RBFOX1: variants seen among roughly 807,000 people sequenced by gnomAD.
The protein encoded by RBFOX1 is RNA binding protein fox-1 homolog 1.
Under a neutral mutation model 57.7 loss-of-function variants are expected in RBFOX1, and 8 were observed. The observed-to-expected ratio is 0.14, with a 90% CI of 0.08 to 0.25. The LOEUF (loss-of-function observed/expected upper bound fraction) is 0.25. Among genes scored for constraint, RBFOX1 ranks in the 10% least tolerant of loss-of-function variants. The pLI is 1.00. For missense variants in RBFOX1, 611 were observed against 548.5 expected (o/e 1.11, Z -1.14); for synonymous variants, 326 against 222.4 (o/e 1.47, Z -4.15).
chr16:7,698,612 C>A (rs546633762), intron 14 of RBFOX1, among the ~76,000 whole-genome samples: 1 of 152,306 alleles, frequency 6.6e-6, no homozygotes, highest in African/African-American at 2.4e-5. Context: ...ATTCCTCTAA[C>A]TGATCCTTCA....
rs947967652 is a variant in RBFOX1, at chr16:5,308,407, G to C, written c.219+68302G>C. On this transcript the variant is annotated intron_variant, in intron 1 of 2. Transcript: ENST00000585867. Reference sequence around the variant, plus strand: ...GAGGCAACAACTTTGAATTCTCTTAGCTTCAACACCCCAGTGGTGGTGATC... The same window carrying C: ...GAGGCAACAACTTTGAATTCTCTTACCTTCAACACCCCAGTGGTGGTGATC... Among the ~76,000 whole-genome samples the C allele has an allele frequency of 1.8e-4, 27 of 151,868 alleles. 4 individuals are homozygous for C. The highest frequency in any genetic ancestry group is 1.7e-3 in the Admixed American group (26 of 15,254).
intron 3 of RBFOX1, among the ~76,000 whole-genome samples, chr16:6,894,830 G>A (rs191218184): frequency 6.6e-6 from 1 of 152,134 alleles, no homozygotes; most frequent in African/African-American, 2.4e-5. Context: ...TAGTAGTCCA[G>A]AATAAGACAT....
chr16:6,140,090 C>T (rs1464432473), intron 1 of RBFOX1, among the ~76,000 whole-genome samples: 1 of 152,112 alleles, frequency 6.6e-6, no homozygotes, highest in Non-Finnish European at 1.5e-5. Flanking sequence ...ATGCATTTTG[C>T]TGCAGAAGAG....
chr16:6,083,236 GA>G (rs2096034082), intron 1 of RBFOX1, among the ~76,000 whole-genome samples: 1 of 152,032 alleles, frequency 6.6e-6, no homozygotes, highest in Non-Finnish European at 1.5e-5. Context: ...CTCCTGACCT[GA>G]AGTGATCTGC....
At chr16:6,111,641 G>A (rs1597402383) in intron 1 of RBFOX1, among the ~76,000 whole-genome samples, 1 of 152,216 alleles carries the variant, frequency 6.6e-6, no homozygotes, top group Non-Finnish European at 1.5e-5. Context: ...GTCATTGGCG[G>A]TAACAGGATA....
chr16:6,068,940 G>A (rs531219136), intron 1 of RBFOX1, among the ~76,000 whole-genome samples: 50 of 152,208 alleles, frequency 3.3e-4, no homozygotes, highest in African/African-American at 1.1e-3. Flanking sequence ...GGGAACAGGA[G>A]GGCAAGACAG....
rs1197269576 is a variant in RBFOX1 at position 6,245,250 on chromosome 16, A to AT, written c.-126-71737dup. Reference sequence around the variant, plus strand: ...ATATAAGCAGAAATGATGGCTTTAAATTTTTTTTCTTATTTGCGCTTTCTT... The same window carrying AT: ...ATATAAGCAGAAATGATGGCTTTAAATTTTTTTTTCTTATTTGCGCTTTCTT... On this transcript the variant is annotated intron_variant, in intron 1 of 15. Coordinates refer to ENST00000550418, the MANE Select transcript of RBFOX1 (RefSeq NM_018723.4). Among the ~76,000 whole-genome samples, 140 of 152,026 alleles carry AT rather than the reference A, an allele frequency of 9.2e-4. 1 individual carries two copies. The highest frequency in any genetic ancestry group is 3.4e-3 in the Middle Eastern group (1 of 294).
chr16:7,295,618 G>C (rs1434581176), intron 4 of RBFOX1, among the ~76,000 whole-genome samples: 1 of 152,072 alleles, frequency 6.6e-6, no homozygotes, highest in Non-Finnish European at 1.5e-5. Context: ...TCCAGAGATA[G>C]ATCTTCAGAC....
intron 1 of RBFOX1, among the ~76,000 whole-genome samples, chr16:5,337,616 G>A (rs932219421): frequency 6.6e-6 from 1 of 152,154 alleles, no homozygotes; most frequent in Non-Finnish European, 1.5e-5. Context: ...TGAATGTTTG[G>A]TTTGGAAACT....
chr16:7,557,632 AAAAAAAAAAAG>A (rs2089030717), intron 5 of RBFOX1, among the ~76,000 whole-genome samples: 1 of 132,876 alleles, frequency 7.5e-6, no homozygotes, highest in Non-Finnish European at 1.7e-5. Context: ...AAAAAAAAAA[AAAAAAAAAAAG>A]AAAAAGAAAA....
chr16:6,159,773 C>T (rs1457930259), intron 1 of RBFOX1, among the ~76,000 whole-genome samples: 4 of 152,166 alleles, frequency 2.6e-5, no homozygotes, highest in Non-Finnish European at 4.4e-5. Flanking sequence ...TTGGTTCCAC[C>T]CATTGCCCAC....
chr16:5,340,532 T>A (rs915622093), intron 1 of RBFOX1, among the ~76,000 whole-genome samples: 3 of 152,146 alleles, frequency 2.0e-5, no homozygotes, highest in African/African-American at 7.2e-5. Context: ...GAGAAGTTTT[T>A]GGTAACAGTT....
At chr16:7,145,287 C>T (rs150643512) in intron 4 of RBFOX1, among the ~76,000 whole-genome samples, 1 of 152,280 alleles carries the variant, frequency 6.6e-6, no homozygotes, top group Middle Eastern at 3.4e-3. Flanking sequence ...TCACTGCAGC[C>T]TCAACTTCCC....
chr16:7,393,310 G>C (rs74012541), intron 4 of RBFOX1, among the ~76,000 whole-genome samples: 2,239 of 152,264 alleles, frequency 0.015, 58 homozygotes, highest in African/African-American at 0.051. Flanking sequence ...CTGGGAAGAT[G>C]GGGTACTTGA....
At chr16:6,960,827 A>C (rs1326356058) in intron 3 of RBFOX1, among the ~76,000 whole-genome samples, 1 of 152,050 alleles carries the variant, frequency 6.6e-6, no homozygotes, top group Admixed American at 6.6e-5. Flanking sequence ...GACCCAAACA[A>C]AGTCAAAGAG....
chr16:6,039,855 C>T (rs1027529744), intron 1 of RBFOX1, among the ~76,000 whole-genome samples: 1 of 152,222 alleles, frequency 6.6e-6, no homozygotes, highest in Non-Finnish European at 1.5e-5. Context: ...CACCTGAAGG[C>T]TCAGCCGGGG....
At chr16:7,514,042 T>C (rs558860602) in intron 4 of RBFOX1, among the ~76,000 whole-genome samples, 1 of 152,282 alleles carries the variant, frequency 6.6e-6, no homozygotes, top group African/African-American at 2.4e-5. Flanking sequence ...ACTTATGCAA[T>C]AATGGCTTCT....
At chr16:7,225,905 A>AATAAATAAATATATAT (rs66510060) in intron 4 of RBFOX1, among the ~76,000 whole-genome samples, 11 of 93,734 alleles carry the variant, frequency 1.2e-4, no homozygotes, top group African/African-American at 5.2e-4. Context: ...AAGTATAATA[A>AATAAATAAATATATAT]ATATATATAT....
intron 12 of RBFOX1, among the ~76,000 whole-genome samples, chr16:7,661,473 G>A (rs1015032820): frequency 5.3e-5 from 8 of 152,140 alleles, no homozygotes; most frequent in Admixed American, 2.6e-4. Flanking sequence ...TCTCTACCGA[G>A]CCAAGGCTTT....
Sources: gnomAD v4.1 joint callset for allele counts (sites outside exome capture counted in the v4.1 genomes callset) on GRCh38, gnomAD v4.1.1 for gene constraint, MANE v1.5 for transcripts, NCBI Gene and HGNC (gene_info 2026-07-23, HGNC 2026-07-21) for gene names.